The following ZNF831 variants were observed in gnomAD, a reference collection of about 807,000 sequenced individuals.
ZNF831 encodes the protein zinc finger protein 831.
Under a neutral mutation model 95.8 loss-of-function variants are expected in ZNF831, and 59 were observed. The observed-to-expected ratio is 0.62, with a 90% confidence interval of 0.50 to 0.77. The LOEUF is 0.77. Ranked by LOEUF, ZNF831 falls within the 30% of genes least tolerant of loss-of-function variation. The pLI, the probability that ZNF831 is intolerant of heterozygous loss-of-function variation, is 0.00. For missense variants in ZNF831, 2,205 were observed against 2,164.0 expected (o/e 1.02, Z -0.38); for synonymous variants, 961 against 925.5 (o/e 1.04, Z -0.70).
chr20:59,126,023 C>G (rs1441032456), intron 1 of ZNF831, among the ~76,000 whole-genome samples: 5 of 152,110 alleles, frequency 3.3e-5, no homozygotes. Context: ...ATCAATCCAT[C>G]AACAAAGAGT....
At chr20:59,128,248 T>A (rs1230844381) in intron 1 of ZNF831, among the ~76,000 whole-genome samples, 2 of 152,194 alleles carry the variant, frequency 1.3e-5, no homozygotes, top group Non-Finnish European at 2.9e-5. Context: ...AAATCAGGTA[T>A]AATTACATAT....
At chr20:59,249,597 G>A (rs1276757848) in intron 4 of ZNF831, among the ~76,000 whole-genome samples, 1 of 152,120 alleles carries the variant, frequency 6.6e-6, no homozygotes, top group Admixed American at 6.5e-5. Context: ...AGTACCAAAA[G>A]CCTGGTTCTG....
At chr20:59,185,304 A>C (rs1307381496) in intron 1 of ZNF831, among the ~76,000 whole-genome samples, 1 of 152,162 alleles carries the variant, frequency 6.6e-6, no homozygotes, top group Non-Finnish European at 1.5e-5. Context: ...CAAAGGCGTC[A>C]ATTTCGCAGT....
Position 59,192,763 on chromosome 20 carries a change from G to T in ZNF831, c.1744G>T (p.Ala582Ser). Reference sequence around the variant, plus strand: ...CCCCATTGGCGATGCCCTGGTGCCCGCAGAGGACACAGACGCAAAGAGAAC... The same window carrying T: ...CCCCATTGGCGATGCCCTGGTGCCCTCAGAGGACACAGACGCAAAGAGAAC... ...GTPIGDALVP[A>S]EDTDAKRTAA... is the part of the protein sequence containing the mutation. Residue 582 changes from alanine to serine, a missense_variant, in exon 2 of 6, where the codon GCA becomes TCA. Physicochemically the swap from Ala to Ser is moderately conservative, Grantham distance 99. Transcript: ENST00000371030. The surrounding 1 kb of genome is among the most constrained non-coding windows in gnomAD (Gnocchi z 5.2). 1 of 1,612,194 alleles carries T rather than the reference G, an allele frequency of 6.2e-7. No individual in the cohort carries two copies. The highest frequency in any genetic ancestry group is 8.5e-7 in the Non-Finnish European group (1 of 1,179,718).
chr20:59,196,975 CG>C (rs1211901406), intron 3 of ZNF831, among the ~76,000 whole-genome samples: 4 of 148,446 alleles, frequency 2.7e-5, no homozygotes, highest in Non-Finnish European at 5.9e-5. Context: ...TTAGTAGAGA[CG>C]GGGTTTTGCC....
At chr20:59,237,115 A>C (rs1441769234) in intron 4 of ZNF831, among the ~76,000 whole-genome samples, 1 of 152,206 alleles carries the variant, frequency 6.6e-6, no homozygotes, top group African/African-American at 2.4e-5. Context: ...CCCAGAAAGA[A>C]CCTTCATAAT....
In ZNF831 at chr20:59,193,879, C is replaced by T. The variant is rs2146590794; in HGVS notation, c.2860C>T (p.Leu954=). Residue 954 remains leucine, a synonymous_variant, in exon 2 of 6, where the codon CTG becomes TTG. Coordinates refer to ENST00000371030, the MANE Select transcript of ZNF831 (RefSeq NM_178457.3). ...ACCTCAGGCAGAGACCCCCTTACCACTGCCCATTCCCTGGGGACCAAGGCA... is the reference window on the plus strand; with the variant it reads ...ACCTCAGGCAGAGACCCCCTTACCATTGCCCATTCCCTGGGGACCAAGGCA... ...RLPQAETPLP[L]PIPWGPRHSQ... is the part of the protein sequence containing the mutation. The T allele has an allele frequency of 8.1e-6, 13 of 1,610,102 alleles. No homozygotes were observed. Among genetic ancestry groups the T allele is most frequent in the African/African-American group, 1.3e-5 (1 of 74,922 alleles).
chr20:59,188,594 T>G (rs960331143), intron 1 of ZNF831, among the ~76,000 whole-genome samples: 1 of 151,744 alleles, frequency 6.6e-6, no homozygotes, highest in Middle Eastern at 3.2e-3. Flanking sequence ...GAGGCGGAGG[T>G]TGCAGTGAGC....
chr20:59,190,747 T>G (rs553410552), intron 1 of ZNF831, among the ~76,000 whole-genome samples: 2 of 152,238 alleles, frequency 1.3e-5, no homozygotes, highest in Non-Finnish European at 2.9e-5. Flanking sequence ...CAGACAGATC[T>G]GGGTCCAAAT....
chr20:59,254,232 T>C lies in ZNF831; in HGVS notation c.4523T>C (p.Ile1508Thr), dbSNP rs1399573853. 1.2e-6 allele frequency: 2 copies of C among 1,613,886 alleles called. No individual in the cohort carries two copies. Among genetic ancestry groups the C allele is most frequent in the Non-Finnish European group, 1.7e-6 (2 of 1,179,928 alleles). Residue 1508 changes from isoleucine (I) to threonine (T), a missense_variant, in exon 6 of 6, where the codon ATT becomes ACT. By Grantham distance (89) the Ile-to-Thr change is moderately conservative. Transcript: ENST00000371030. This position sits in a 1 kb window ranked among gnomAD's most constrained non-coding sequence, Gnocchi z 4.5. ...AGAACAGATCACATAGCCCAGGAAA[T>C]TCACAGTGCTGAATCACGAGACCAC... ...PVRTDHIAQE[I>T]HSAESRDHSQ...
chr20:59,223,925 C>A (rs56089090), intron 4 of ZNF831, among the ~76,000 whole-genome samples: 1 of 152,254 alleles, frequency 6.6e-6, no homozygotes, highest in Non-Finnish European at 1.5e-5. Context: ...CAGGAGGCCA[C>A]GGGACAGGAG....
intron 1 of ZNF831, among the ~76,000 whole-genome samples, chr20:59,173,833 G>T (rs562907209): frequency 6.6e-6 from 1 of 152,230 alleles, no homozygotes; most frequent in Non-Finnish European, 1.5e-5. Flanking sequence ...CTTGGCGTAG[G>T]AATGATTAGT....
intron 1 of ZNF831, among the ~76,000 whole-genome samples, chr20:59,133,551 G>C (rs1438638978): frequency 6.6e-6 from 1 of 152,214 alleles, no homozygotes; most frequent in African/African-American, 2.4e-5. Context: ...GTGGCCCCGT[G>C]TGTGCCTCAA....
At chr20:59,185,388 C>G (rs1982935660) in intron 1 of ZNF831, among the ~76,000 whole-genome samples, 1 of 152,128 alleles carries the variant, frequency 6.6e-6, no homozygotes, top group Non-Finnish European at 1.5e-5. Flanking sequence ...CGCTCTTTTC[C>G]TGGCATTTCT....
intron 2 of ZNF831, among the ~76,000 whole-genome samples, chr20:59,153,139 C>T (rs1980339240): frequency 6.6e-6 from 1 of 152,188 alleles, no homozygotes; most frequent in Non-Finnish European, 1.5e-5. Context: ...TCACTCTTTC[C>T]CACCTGAGCA....
chr20:59,219,543 G>A (rs1181186338), intron 4 of ZNF831, among the ~76,000 whole-genome samples: 1 of 152,128 alleles, frequency 6.6e-6, no homozygotes, highest in Non-Finnish European at 1.5e-5. Context: ...AGGGGAGAGT[G>A]TGCTAGCATA....
At position 59,190,747 on chromosome 20, in the gene ZNF831, T is replaced by A. The variant is rs553410552; in HGVS notation, c.-36-237T>A. Among the ~76,000 whole-genome samples the A allele has an allele frequency of 6.6e-4, 101 of 152,356 alleles. 1 individual carries two copies. Among genetic ancestry groups the A allele is most frequent in the African/African-American group, 2.3e-3 (94 of 41,588 alleles). ...ATAAGAGACAGGATTCAGACAGATC[T>A]GGGTCCAAATCCCGCTTTGCCACAT... is the stretch of plus-strand genomic sequence containing the variant. On this transcript the variant is annotated intron_variant, in intron 1 of 5. Coordinates refer to ENST00000371030, the MANE Select transcript of ZNF831 (RefSeq NM_178457.3).
chr20:59,130,858 G>A (rs2146435814), intron 1 of ZNF831, among the ~76,000 whole-genome samples: 1 of 152,240 alleles, frequency 6.6e-6, no homozygotes, highest in Admixed American at 6.5e-5. Flanking sequence ...TGGGGCGCTT[G>A]GCCCTGACAC....
intron 1 of ZNF831, among the ~76,000 whole-genome samples, chr20:59,176,622 A>T (rs1982186835): frequency 6.6e-6 from 1 of 152,182 alleles, no homozygotes; most frequent in Admixed American, 6.5e-5. Context: ...ACGCATGTGT[A>T]TTTCGCTTTA....
Sources: gnomAD v4.1 joint callset for allele counts (sites outside exome capture counted in the v4.1 genomes callset) on GRCh38, gnomAD v4.1.1 for gene constraint, Gnocchi (gnomAD v3.1) non-coding constraint, MANE v1.5 for transcripts, NCBI Gene and HGNC (gene_info 2026-07-23, HGNC 2026-07-21) for gene names.